Variants in KSR2 observed in about 807,000 individuals in gnomAD.
KSR2 encodes the protein kinase suppressor of ras 2.
Under a neutral mutation model 107.8 loss-of-function variants are expected in KSR2, and 25 were observed. The ratio of observed to expected loss-of-function variants is 0.23; its 90% CI spans 0.17 to 0.32. The LOEUF (loss-of-function observed/expected upper bound fraction) is 0.32, where lower values mean the gene tolerates loss of function less well. KSR2 is among the 10% of genes least tolerant of loss of function. The pLI, the probability that KSR2 is intolerant of heterozygous loss-of-function variation, is 1.00. For missense variants in KSR2, 887 were observed against 1,268.9 expected (o/e 0.70, Z 4.57); for synonymous variants, 480 against 507.0 (o/e 0.95, Z 0.71).
intron 12 of KSR2, among the ~76,000 whole-genome samples, chr12:117,529,846 A>T (rs185845107): frequency 6.6e-6 from 1 of 150,876 alleles, no homozygotes; most frequent in Non-Finnish European, 1.5e-5. Context: ...CTACAAAAAT[A>T]AAAAATTAAA....
At chr12:117,866,647 T>C (rs1475697579) in intron 1 of KSR2, among the ~76,000 whole-genome samples, 1 of 151,928 alleles carries the variant, frequency 6.6e-6, no homozygotes, top group Non-Finnish European at 1.5e-5. Flanking sequence ...CTGACCAACA[T>C]AGAGAAACCC....
At chr12:117,484,193 T>TCA (rs1483157779) in intron 16 of KSR2, among the ~76,000 whole-genome samples, 1 of 152,124 alleles carries the variant, frequency 6.6e-6, no homozygotes, top group Non-Finnish European at 1.5e-5. Context: ...CTGTGTCCAA[T>TCA]CACACACACT....
chr12:117,671,074 T>G (rs948013945), intron 4 of KSR2, among the ~76,000 whole-genome samples: 3 of 152,192 alleles, frequency 2.0e-5, no homozygotes, highest in Non-Finnish European at 4.4e-5. Flanking sequence ...GGTCTGGCCC[T>G]GGGGCCTTCT....
intron 5 of KSR2, among the ~76,000 whole-genome samples, chr12:117,631,393 G>A (rs1030541209): frequency 1.8e-4 from 27 of 152,176 alleles, no homozygotes; most frequent in African/African-American, 4.8e-5. Flanking sequence ...AAAACAGCAA[G>A]CCTATATGAT....
At chr12:117,665,309 A>C (rs1884613337) in intron 5 of KSR2, among the ~76,000 whole-genome samples, 1 of 152,174 alleles carries the variant, frequency 6.6e-6, no homozygotes, top group Admixed American at 6.5e-5. Flanking sequence ...GAATCCTCAA[A>C]AACTCTTTGG....
In KSR2 at chr12:117,750,043, T is replaced by C. The variant is rs576132606; in HGVS notation, c.986+10968A>G. ...CAGGTGGACCACCCGAGGTCAGGAG[T>C]TCGAGACCAGCCTGGCCAACATGGT... On this transcript the variant is annotated intron_variant, in intron 4 of 19. Coordinates refer to ENST00000339824, the MANE Select transcript of KSR2 (RefSeq NM_173598.6). Among the ~76,000 whole-genome samples the C allele has an allele frequency of 4.3e-3, 649 of 151,954 alleles. 3 individuals carry two copies. The highest frequency in any genetic ancestry group is 0.014 in the African/African-American group (601 of 41,480).
chr12:117,748,768 T>A (rs1455699518), intron 4 of KSR2, among the ~76,000 whole-genome samples: 1 of 152,172 alleles, frequency 6.6e-6, no homozygotes, highest in South Asian at 2.1e-4. Context: ...ATGACCTTTA[T>A]CCCTGTCTTA....
intron 1 of KSR2, among the ~76,000 whole-genome samples, chr12:117,934,162 T>C (rs1010885577): frequency 6.6e-5 from 10 of 152,188 alleles, no homozygotes; most frequent in Non-Finnish European, 1.2e-4. Flanking sequence ...ATCTATTGTA[T>C]CCTCCAGCCA....
rs186027291 is a variant in KSR2, at chr12:117,466,863, G to A, written c.*336C>T. On this transcript the variant is annotated 3_prime_UTR_variant, in exon 20 of 20. Transcript: ENST00000339824. ...TAGCCCCGTCTGTGAGCCCCCCCACGTGGGGTCTCCTGTCCTAGTCCCATA... is the reference window on the plus strand; with the variant it reads ...TAGCCCCGTCTGTGAGCCCCCCCACATGGGGTCTCCTGTCCTAGTCCCATA... The A allele has an allele frequency of 2.9e-5, 9 of 308,384 alleles. No homozygotes were observed. Among genetic ancestry groups the A allele is most frequent in the African/African-American group, 1.5e-4 (7 of 46,798 alleles). 19.1% of individuals were successfully genotyped at this position (308,384 alleles called of 1,614,324 possible).
chr12:117,714,348 G>A (rs978677467), intron 4 of KSR2, among the ~76,000 whole-genome samples: 1 of 152,116 alleles, frequency 6.6e-6, no homozygotes, highest in African/African-American at 2.4e-5. Flanking sequence ...AAAAAGAGCA[G>A]AGGTAAAAAA....
chr12:117,467,361 G>A (rs1871200311), intron 19 of KSR2, among the ~76,000 whole-genome samples, 156 bp from the exon 20 acceptor site: 1 of 152,216 alleles, frequency 6.6e-6, no homozygotes, highest in Non-Finnish European at 1.5e-5. Context: ...TGTTAACTGA[G>A]TTCTTACTAT....
rs369984242 is a variant in KSR2 at position 117,911,174 on chromosome 12, T to A, written c.181-50743A>T. On this transcript the variant is annotated intron_variant, in intron 1 of 19. Transcript: ENST00000339824. Reference sequence around the variant, plus strand: ...CACATTCTTTCTCTCTCTCTCTCTCTCACACACACACACACACACACACAC... The same window carrying A: ...CACATTCTTTCTCTCTCTCTCTCTCACACACACACACACACACACACACAC... 9.7e-3 allele frequency among the ~76,000 whole-genome samples: 1,448 copies of A among 148,986 alleles called. 2 individuals are homozygous for A. Among genetic ancestry groups the A allele is most frequent in the Middle Eastern group, 0.014 (4 of 286 alleles).
chr12:117,700,620 T>C (rs1474092247), intron 4 of KSR2, among the ~76,000 whole-genome samples: 1 of 152,224 alleles, frequency 6.6e-6, no homozygotes, highest in Non-Finnish European at 1.5e-5. Context: ...CGGAGATATA[T>C]AAAGTCTGCC....
At chr12:117,784,317 T>G (rs1405622782) in intron 3 of KSR2, among the ~76,000 whole-genome samples, 2 of 152,186 alleles carry the variant, frequency 1.3e-5, no homozygotes, top group East Asian at 3.9e-4. Context: ...GTTTTATAAA[T>G]GGGAGTTCCC....
At chr12:117,470,795 T>C (rs1228468665) in intron 18 of KSR2, among the ~76,000 whole-genome samples, 1 of 152,258 alleles carries the variant, frequency 6.6e-6, no homozygotes, top group Non-Finnish European at 1.5e-5. Flanking sequence ...TCTCTGTTTC[T>C]GTATGTCTTG....
intron 14 of KSR2, among the ~76,000 whole-genome samples, chr12:117,496,052 CAAAAA>C (rs33974181): frequency 8.8e-6 from 1 of 113,220 alleles, no homozygotes; most frequent in African/African-American, 3.3e-5. Context: ...GACTCCGTCT[CAAAAA>C]AAAAAAAAAA....
chr12:117,483,053 A>G (rs1463746470), intron 16 of KSR2, among the ~76,000 whole-genome samples: 2 of 152,356 alleles, frequency 1.3e-5, no homozygotes, highest in East Asian at 3.9e-4. Flanking sequence ...AAGGGATTCT[A>G]CACAGTCTTG....
At chr12:117,481,372 G>C (rs1565866455) in intron 16 of KSR2, among the ~76,000 whole-genome samples, 1 of 152,136 alleles carries the variant, frequency 6.6e-6, no homozygotes, top group Non-Finnish European at 1.5e-5. Context: ...GAGATTGTAA[G>C]TTCGAGGCCC....
chr12:117,508,348 G>A (rs1873827500), intron 14 of KSR2, among the ~76,000 whole-genome samples: 1 of 152,174 alleles, frequency 6.6e-6, no homozygotes, highest in Admixed American at 6.5e-5. Context: ...TCACATCCCA[G>A]AAGAAAAGCC....
Sources: gnomAD v4.1 joint callset for allele counts (sites outside exome capture counted in the v4.1 genomes callset) on GRCh38, gnomAD v4.1.1 for gene constraint, MANE v1.5 for transcripts, NCBI Gene and HGNC (gene_info 2026-07-23, HGNC 2026-07-21) for gene names.